PRAMEF15: variants seen among roughly 807,000 people sequenced by gnomAD.
PRAMEF15 encodes the protein PRAME family member 9/15.
In PRAMEF15, 21 loss-of-function variants were observed where a neutral mutation model predicts 35.3. The ratio of observed to expected loss-of-function variants is 0.59; its 90% CI spans 0.42 to 0.86. The LOEUF is 0.86. Ranked by LOEUF, PRAMEF15 falls within the 40% of genes least tolerant of loss-of-function variation. The probability of loss-of-function intolerance (pLI) is 0.00; values close to 1 mark genes in which losing one functional copy is unlikely to be tolerated. For missense variants in PRAMEF15, 360 were observed against 574.1 expected (o/e 0.63, Z 3.81); for synonymous variants, 122 against 223.3 (o/e 0.55, Z 4.05).
intron 3 of PRAMEF15, among the ~76,000 whole-genome samples, chr1:13,321,021 C>T (rs1239721311): frequency 4.1e-4 from 62 of 152,066 alleles, no homozygotes; most frequent in African/African-American, 1.3e-3. Context: ...GCCTACAGCC[C>T]GCCCACCCCA....
intron 3 of PRAMEF15, among the ~76,000 whole-genome samples, chr1:13,320,684 A>C (rs1375643028): frequency 1.3e-5 from 2 of 152,074 alleles, no homozygotes; most frequent in African/African-American, 2.4e-5. Context: ...ATGGACTCCC[A>C]AAGTGCTGGG....
In PRAMEF15 at chr1:13,319,383, T is replaced by A; in HGVS notation, c.305T>A (p.Leu102His). ...CTATTTTGCCACAGGAGGTGGAAAC[T>A]CCAAGTGCTGGATTTACAGGATGTC... The part of the protein sequence containing the change: ...TQGVRPRRWK[L>H]QVLDLQDVCE... The change falls in exon 3 of 4, where the codon CTC becomes CAC. Residue 102 changes from leucine (L) to histidine (H), a missense_variant. By Grantham distance (99) the Leu-to-His change is moderately conservative. This residue lies in a region of PRAMEF15 where 44 missense variants were observed against 25.9 expected (regional missense o/e 1.70). Transcript: ENST00000376152. The A allele has an allele frequency of 6.2e-7, 1 of 1,611,136 alleles. No individual in the cohort carries two copies. The highest frequency in any genetic ancestry group is 2.2e-5 in the East Asian group (1 of 44,818).
chr1:13,317,109 C>T (rs77251384), intron 1 of PRAMEF15, among the ~76,000 whole-genome samples: 9,786 of 142,224 alleles, frequency 0.069, 312 homozygotes, highest in East Asian at 0.2. Context: ...CTAGCCTATT[C>T]CCCAGGCTGG....
At chr1:13,318,305 A>G in intron 1 of PRAMEF15, 87 bp from the exon 2 acceptor site, 1 of 1,591,780 alleles carries the variant, frequency 6.3e-7, no homozygotes, top group Non-Finnish European at 8.6e-7. Flanking sequence ...CCATTGCCAG[A>G]GCAGTGAGTT....
Position 13,322,150 on chromosome 1 carries a change from G to T in PRAMEF15, c.1323G>T (p.Met441Ile), listed in dbSNP as rs1165059504. 105 of 1,609,448 alleles carry T rather than the reference G, an allele frequency of 6.5e-5. No individual in the cohort carries two copies. Among genetic ancestry groups the T allele is most frequent in the Non-Finnish European group, 8.1e-5 (95 of 1,179,292 alleles). The stretch of plus-strand genomic sequence containing the variant: ...TTGCTCAAATTAGGGCTGAGCTGAT[G>T]AACAGAGTGAGGGACTTAAGGCACC... Reference protein sequence around the residue: ...SRFAQIRAELMNRVRDLRHPK... With the variant: ...SRFAQIRAELINRVRDLRHPK... Residue 441 changes from methionine to isoleucine, a missense_variant, in exon 4 of 4, where the codon ATG becomes ATT. Transcript: ENST00000376152.
rs1407747896 is a variant in PRAMEF15 at position 13,319,396 on chromosome 1, T to A, written c.318T>A (p.Asp106Glu). Residue 106 changes from aspartate to glutamate, a missense_variant, in exon 3 of 4, where the codon GAT (aspartate) becomes GAA (glutamate). Asp to Glu is a conservative substitution (Grantham distance 45). Coordinates refer to ENST00000376152, the MANE Select transcript of PRAMEF15 (RefSeq NM_001098376.3). Reference sequence around the variant, plus strand: ...GGAGGTGGAAACTCCAAGTGCTGGATTTACAGGATGTCTGTGAGAACTTCT... The same window carrying A: ...GGAGGTGGAAACTCCAAGTGCTGGAATTACAGGATGTCTGTGAGAACTTCT... ...RPRRWKLQVL[D>E]LQDVCENFWM... is the part of the protein sequence containing the mutation. The A allele has an allele frequency of 6.2e-7, 1 of 1,611,618 alleles. No homozygotes were observed. Among genetic ancestry groups the A allele is most frequent in the Non-Finnish European group, 8.5e-7 (1 of 1,179,814 alleles).
At chr1:13,320,088 T>C in intron 3 of PRAMEF15, 135 bp downstream of exon 3, 1 of 1,564,186 alleles carries the variant, frequency 6.4e-7, no homozygotes, top group African/African-American at 1.3e-5. Context: ...TGCATTGTCC[T>C]GTTGGTGGCC....
chr1:13,319,690 G>A lies in PRAMEF15; in HGVS notation c.612G>A (p.Val204=). The A allele has an allele frequency of 2.5e-6, 4 of 1,592,534 alleles. No homozygotes were observed. The highest frequency in any genetic ancestry group is 4.5e-5 in the East Asian group (2 of 44,788). Reference sequence around the variant, plus strand: ...ATATCAGAAGCATCCTGAAAATGGTGAACCTAGACTGTATCCAGGAGGTGG... The same window carrying A: ...ATATCAGAAGCATCCTGAAAATGGTAAACCTAGACTGTATCCAGGAGGTGG... The part of the protein sequence containing the change: ...FRNIRSILKM[V]NLDCIQEVEV... The change falls in exon 3 of 4, where the codon GTG becomes GTA. Residue 204 remains valine, a synonymous_variant. Transcript: ENST00000376152.
Position 13,322,079 on chromosome 1 carries a change from C to T in PRAMEF15, c.1252C>T (p.Pro418Ser), listed in dbSNP as rs1370535046. ...KNLCVELYPA[P>S]RESYGADGTL... ...CTTATGTGTGGAGCTGTATCCTGCC[C>T]CCCGAGAGAGTTATGGTGCTGATGG... The change falls in exon 4 of 4, where the codon CCC (proline) becomes TCC (serine). Residue 418 changes from proline to serine, a missense_variant. Physicochemically the swap from Pro to Ser is moderately conservative, Grantham distance 74. Coordinates refer to ENST00000376152, the MANE Select transcript of PRAMEF15 (RefSeq NM_001098376.3). The T allele has an allele frequency of 1.9e-6, 3 of 1,608,996 alleles. No homozygotes were observed. The highest frequency in any genetic ancestry group is 1.3e-5 in the African/African-American group (1 of 74,614).
intron 3 of PRAMEF15, 83 bp from the exon 4 acceptor site, chr1:13,321,620 T>C (rs1167462287): frequency 0.036 from 47,690 of 1,339,364 alleles, 2,051 homozygotes; most frequent in East Asian, 0.22. Flanking sequence ...AAGGTCTCCA[T>C]CCATTACCTT....
chr1:13,320,763 G>A (rs1365137239), intron 3 of PRAMEF15, among the ~76,000 whole-genome samples: 5 of 152,152 alleles, frequency 3.3e-5, no homozygotes, highest in Admixed American at 2.6e-4. Flanking sequence ...AAGTAGGGAA[G>A]TGAAGTGGGC....
At chr1:13,316,833 T>C (rs1325124645) in intron 1 of PRAMEF15, among the ~76,000 whole-genome samples, 2,336 of 151,528 alleles carry the variant, frequency 0.015, 39 homozygotes, top group Non-Finnish European at 0.025. Context: ...TTTCTTTCTT[T>C]CTGTCTAATA....
chr1:13,319,206 A>AC (rs1431396576), intron 2 of PRAMEF15, among the ~76,000 whole-genome samples, 166 bp from the exon 3 acceptor site: 1 of 149,794 alleles, frequency 6.7e-6, no homozygotes, highest in Non-Finnish European at 1.5e-5. Context: ...AAAAAAAAAA[A>AC]AACAAAACAA....
At chr1:13,316,721 TC>T (rs1182054651) in intron 1 of PRAMEF15, among the ~76,000 whole-genome samples, 4 of 151,968 alleles carry the variant, frequency 2.6e-5, no homozygotes, top group African/African-American at 7.3e-5. Context: ...TATTGTGTTT[TC>T]TTAGGGACTG....
Position 13,321,985 on chromosome 1 carries a change from C to T in PRAMEF15, c.1158C>T (p.Ser386=). 1.9e-6 allele frequency: 3 copies of T among 1,611,084 alleles called. No individual in the cohort carries two copies. The highest frequency in any genetic ancestry group is 2.5e-6 in the Non-Finnish European group (3 of 1,179,636). ...LSRCFELNTF[S]FCGNPICMAT... ...GCTGCTTTGAGCTCAACACCTTCAG[C>T]TTCTGTGGAAATCCCATCTGCATGG... The change falls in exon 4 of 4, where the codon AGC becomes AGT. Residue 386 remains serine (S), a synonymous_variant. Coordinates refer to ENST00000376152, the MANE Select transcript of PRAMEF15 (RefSeq NM_001098376.3).
intron 1 of PRAMEF15, among the ~76,000 whole-genome samples, chr1:13,318,175 A>G (rs76761752): frequency 2.0e-5 from 3 of 150,240 alleles, no homozygotes; most frequent in Middle Eastern, 7.0e-3. Flanking sequence ...AGGAAGGGCT[A>G]GTGGTGGCCC....
intron 1 of PRAMEF15, 46 bp from the exon 2 acceptor site, chr1:13,318,346 C>T: frequency 6.5e-7 from 1 of 1,547,238 alleles, no homozygotes; most frequent in Admixed American, 1.8e-5. Flanking sequence ...ATTGCATGGG[C>T]TTGGCCTGAG....
chr1:13,321,967 T>G lies in PRAMEF15; in HGVS notation c.1140T>G (p.Phe380Leu), dbSNP rs78431696. Residue 380 changes from phenylalanine (F) to leucine (L), a missense_variant, in exon 4 of 4, where the codon TTT becomes TTG. Around this residue, in one of 8 missense-constraint regions of PRAMEF15, gnomAD observed 147 missense variants for 123.5 expected, o/e 1.19. Coordinates refer to ENST00000376152, the MANE Select transcript of PRAMEF15 (RefSeq NM_001098376.3). ...TCCTGCCTGCCCTGAGCCGCTGCTT[T>G]GAGCTCAACACCTTCAGCTTCTGTG... is the stretch of plus-strand genomic sequence containing the variant. ...NAILPALSRC[F>L]ELNTFSFCGN... The G allele has an allele frequency of 1.1e-3, 1,826 of 1,610,692 alleles. 26 individuals carry two copies. In the African/African-American group the frequency reaches 0.021, roughly 18 times the overall value.
rs955339974 is a variant in PRAMEF15 at position 13,317,586 on chromosome 1, A to G, written c.-16-806A>G. Among the ~76,000 whole-genome samples the G allele has an allele frequency of 7.5e-4, 114 of 152,060 alleles. 2 individuals carry two copies. Among genetic ancestry groups the G allele is most frequent in the African/African-American group, 2.6e-3 (106 of 41,446 alleles). On this transcript the variant is annotated intron_variant, in intron 1 of 3. Coordinates refer to ENST00000376152, the MANE Select transcript of PRAMEF15 (RefSeq NM_001098376.3). ...AGTTCAAGACCAGCTTGGACAACAT[A>G]GCGAAATCCACTGTCTTTACAAAAA...
Sources: gnomAD v4.1 joint callset for allele counts (sites outside exome capture counted in the v4.1 genomes callset) on GRCh38, gnomAD v4.1.1 for gene constraint, gnomAD v4.1.1 regional missense constraint, MANE v1.5 for transcripts, NCBI Gene and HGNC (gene_info 2026-07-23, HGNC 2026-07-21) for gene names.